MTOR: variants seen among roughly 807,000 people sequenced by gnomAD.
MTOR encodes serine/threonine-protein kinase mTOR.
In MTOR, 70 loss-of-function variants were observed where a neutral mutation model predicts 319.8. The observed-to-expected ratio is 0.22, with a 90% CI of 0.18 to 0.27. The LOEUF is 0.27. Among genes scored for constraint, MTOR ranks in the 10% least tolerant of loss-of-function variants. The probability of loss-of-function intolerance (pLI) is 1.00; values close to 1 mark genes in which losing one functional copy is unlikely to be tolerated. For synonymous variants in MTOR, 1,183 were observed against 1,211.4 expected (o/e 0.98, Z 0.49); for missense variants, 1,890 against 3,274.4 (o/e 0.58, Z 10.32).
chr1:11,146,705 G>A lies in MTOR; in HGVS notation c.4657C>T (p.His1553Tyr). Residue 1553 changes from histidine (H) to tyrosine (Y), a missense_variant, in exon 32 of 58, where the codon CAT becomes TAT. By Grantham distance (83) the His-to-Tyr change is moderately conservative. Around this residue, in one of 15 missense-constraint regions of MTOR, gnomAD observed 276 missense variants for 459.4 expected, o/e 0.60. Transcript: ENST00000361445. Reference protein sequence around the residue: ...GAFYRAVLALHQDLFSLAQQC... With the variant: ...GAFYRAVLALYQDLFSLAQQC... ...TGTGCCAAGGAGAAGAGGTCCTGAT[G>A]CAGTGCCAGCACAGCTCTATAAAAT... is the stretch of plus-strand genomic sequence containing the variant. 1 of 1,614,090 alleles carries A rather than the reference G, an allele frequency of 6.2e-7. No individual in the cohort carries two copies. The highest frequency in any genetic ancestry group is 8.5e-7 in the Non-Finnish European group (1 of 1,179,998).
At chr1:11,135,297 A>C (rs1379698153) in intron 36 of MTOR, among the ~76,000 whole-genome samples, 1 of 152,196 alleles carries the variant, frequency 6.6e-6, no homozygotes, top group Non-Finnish European at 1.5e-5. Flanking sequence ...ACCCACAAAT[A>C]GAAAAAAAAA....
At position 11,121,393 on chromosome 1, in the gene MTOR, T is replaced by C. The variant is rs1333805358; in HGVS notation, c.6811-25A>G. 6.2e-7 allele frequency: 1 copy of C among 1,613,378 alleles called. No homozygotes were observed. Among genetic ancestry groups the C allele is most frequent in the South Asian group, 1.1e-5 (1 of 91,038 alleles). ...TCTGCATCAGGACACAACTGTTCAG[T>C]AAGAGAGCAGCCTAAGACATGTAGT... On this transcript the variant is annotated intron_variant, in intron 48 of 57. Transcript: ENST00000361445. The surrounding 1 kb of genome is among the most constrained non-coding windows in gnomAD (Gnocchi z 4.9).
chr1:11,192,890 A>C (rs12141008), intron 28 of MTOR, among the ~76,000 whole-genome samples: 13,816 of 152,202 alleles, frequency 0.091, 1,023 homozygotes, highest in South Asian at 0.2. Context: ...CAGTCAAACA[A>C]CAAGCCTTCT....
At chr1:11,209,179 G>A in intron 25 of MTOR, 133 bp downstream of exon 25, 1 of 1,060,298 alleles carries the variant, frequency 9.4e-7, no homozygotes, top group Non-Finnish European at 1.4e-6. Context: ...AATGATCTAA[G>A]TTCATGGTAT....
At chr1:11,150,073 C>T in intron 31 of MTOR, 53 bp downstream of exon 31, 1 of 1,521,384 alleles carries the variant, frequency 6.6e-7, no homozygotes, top group South Asian at 1.1e-5. Flanking sequence ...TGATGCGAGC[C>T]CCTAGCCTCA....
chr1:11,138,674 G>T (rs1230215003), intron 36 of MTOR, among the ~76,000 whole-genome samples: 1 of 152,192 alleles, frequency 6.6e-6, no homozygotes. Context: ...GAAGGAGGAA[G>T]GGGAAGCCAA....
At chr1:11,193,751 A>G (rs996057185) in intron 28 of MTOR, 2 of 1,614,070 alleles carry the variant, frequency 1.2e-6, no homozygotes, top group African/African-American at 2.7e-5. Flanking sequence ...CAGACAGCCA[A>G]CCCGGCTGCG....
intron 30 of MTOR, among the ~76,000 whole-genome samples, chr1:11,151,016 G>A (rs908822032): frequency 5.3e-5 from 8 of 152,306 alleles, no homozygotes; most frequent in African/African-American, 1.2e-4. Context: ...TGAAAGACAT[G>A]CTGCAGGATG....
rs201521732 is a variant in MTOR, at chr1:11,232,489, A to T, written c.2461T>A (p.Phe821Ile). ...TGGAGCATGTCCATGATGATAATAAAAAGTTCATCAACCCATTTCCTCATT... is the reference window on the plus strand; with the variant it reads ...TGGAGCATGTCCATGATGATAATAATAAGTTCATCAACCCATTTCCTCATT... ...LEMRKWVDEL[F>I]IIIMDMLQDS... The change falls in exon 16 of 58, where the codon TTT becomes ATT. Residue 821 changes from phenylalanine to isoleucine, a missense_variant. Coordinates refer to ENST00000361445, the MANE Select transcript of MTOR (RefSeq NM_004958.4). 2.5e-6 allele frequency: 4 copies of T among 1,614,030 alleles called. No individual in the cohort carries two copies. Among genetic ancestry groups the T allele is most frequent in the Non-Finnish European group, 3.4e-6 (4 of 1,179,900 alleles).
chr1:11,121,321 C>T lies in MTOR; in HGVS notation c.6858G>A (p.Val2286=). The part of the protein sequence containing the change: ...DHLTLMQKVE[V]FEHAVNNTAG... ...CTGTATTATTGACGGCATGCTCAAA[C>T]ACCTCCACCTTCTGCATCAGAGTCA... Residue 2286 remains valine (V), a synonymous_variant, in exon 49 of 58, where the codon GTG becomes GTA. Transcript: ENST00000361445. The surrounding 1 kb of genome is among the most constrained non-coding windows in gnomAD (Gnocchi z 4.9). 6.2e-7 allele frequency: 1 copy of T among 1,614,190 alleles called. No individual in the cohort carries two copies. The highest frequency in any genetic ancestry group is 1.1e-5 in the South Asian group (1 of 91,080).
chr1:11,243,258 C>T lies in MTOR; in HGVS notation c.1268G>A (p.Cys423Tyr). ...LQDTMNHVLS[C>Y]VKKEKERTAA... ...TGTACGTTCCTTCTCCTTCTTGACA[C>T]AGCTTAGGACATGGTTCATGGTATC... The change falls in exon 9 of 58, where the codon TGT becomes TAT. Residue 423 changes from cysteine (C) to tyrosine (Y), a missense_variant. Cys to Tyr is a radical substitution (Grantham distance 194). Around this residue, in one of 15 missense-constraint regions of MTOR, gnomAD observed 418 missense variants for 543.1 expected, o/e 0.77. Transcript: ENST00000361445. 1.2e-6 allele frequency: 2 copies of T among 1,614,206 alleles called. No individual in the cohort carries two copies. The highest frequency in any genetic ancestry group is 1.3e-5 in the African/African-American group (1 of 75,038).
intron 47 of MTOR, 38 bp downstream of exon 47, chr1:11,124,460 A>C: frequency 3.1e-6 from 5 of 1,587,868 alleles, no homozygotes; most frequent in Non-Finnish European, 4.3e-6. Flanking sequence ...AAACCAGAAG[A>C]CTTCTCAAAT....
chr1:11,210,638 T>C (rs1646280057), intron 24 of MTOR, among the ~76,000 whole-genome samples, 176 bp downstream of exon 24: 1 of 152,186 alleles, frequency 6.6e-6, no homozygotes, highest in Admixed American at 6.5e-5. Context: ...TCTCAGGCTG[T>C]AGTGGCAGAG....
intron 47 of MTOR, among the ~76,000 whole-genome samples, chr1:11,122,897 AAG>A (rs1178077103): frequency 1.3e-5 from 2 of 152,220 alleles, no homozygotes; most frequent in Non-Finnish European, 2.9e-5. Flanking sequence ...GCATCACAGA[AAG>A]ACAGTGCACT....
intron 26 of MTOR, among the ~76,000 whole-genome samples, chr1:11,201,047 G>A (rs1031782078): frequency 2.0e-5 from 3 of 151,832 alleles, no homozygotes; most frequent in African/African-American, 4.8e-5. Flanking sequence ...GTAAGTTTTC[G>A]GAGCCAGGTA....
Position 11,212,568 on chromosome 1 carries a change from A to G in MTOR, c.3399-94T>C, listed in dbSNP as rs1189408731. The G allele has an allele frequency of 1.4e-6, 2 of 1,444,190 alleles. No individual in the cohort carries two copies. The highest frequency in any genetic ancestry group is 2.1e-5 in the Admixed American group (1 of 48,568). 89.5% of individuals were successfully genotyped at this position (1,444,190 alleles called of 1,614,324 possible). ...GAGCTTAACAATCAGCACCAAAGGG[A>G]TGGGAATGAACGGCTTCTAAGGTAT... On this transcript the variant is annotated intron_variant, in intron 22 of 57. Coordinates refer to ENST00000361445, the MANE Select transcript of MTOR (RefSeq NM_004958.4). The surrounding 1 kb of genome is among the most constrained non-coding windows in gnomAD (Gnocchi z 4.1).
Position 11,253,971 on chromosome 1 carries a change from G to A in MTOR, c.708C>T (p.His236=). The part of the protein sequence containing the change: ...KEMQKPQWYR[H]TFEEAEKGFD... ...ATCCCTTCTCTGCTTCTTCAAATGTGTGCTATGTAGAGAGACAGGGTGCCT... is the reference window on the plus strand; with the variant it reads ...ATCCCTTCTCTGCTTCTTCAAATGTATGCTATGTAGAGAGACAGGGTGCCT... The change falls in exon 6 of 58, where the codon CAC becomes CAT. Residue 236 remains histidine, a splice_region_variant and synonymous_variant. Coordinates refer to ENST00000361445, the MANE Select transcript of MTOR (RefSeq NM_004958.4). 6.2e-7 allele frequency: 1 copy of A among 1,614,040 alleles called. No individual in the cohort carries two copies. Among genetic ancestry groups the A allele is most frequent in the East Asian group, 2.2e-5 (1 of 44,882 alleles).
In MTOR at chr1:11,235,713, G is replaced by A. The variant is rs991469200; in HGVS notation, c.2209-1448C>T. ...AGAAGATTAGAGCCAGCCGGGCGAG[G>A]TGGCTCACACCTGTAATCCCAGCAC... On this transcript the variant is annotated intron_variant, in intron 13 of 57. Coordinates refer to ENST00000361445, the MANE Select transcript of MTOR (RefSeq NM_004958.4). 2.0e-5 allele frequency among the ~76,000 whole-genome samples: 3 copies of A among 152,310 alleles called. No homozygotes were observed. The East Asian group carries it at 5.8e-4, about 29-fold the overall frequency.
chr1:11,144,139 A>T lies in MTOR; in HGVS notation c.4872+509T>A, dbSNP rs113224204. Reference sequence around the variant, plus strand: ...AGTTGGCCAATGAGAACCTAAGGCAACCCCATCTGAAAAGCTGGTGCAGGT... The same window carrying T: ...AGTTGGCCAATGAGAACCTAAGGCATCCCCATCTGAAAAGCTGGTGCAGGT... On this transcript the variant is annotated intron_variant, in intron 34 of 57. Coordinates refer to ENST00000361445, the MANE Select transcript of MTOR (RefSeq NM_004958.4). Among the ~76,000 whole-genome samples, 408 of 152,282 alleles carry T rather than the reference A, an allele frequency of 2.7e-3. 5 individuals are homozygous for T. Among genetic ancestry groups the T allele is most frequent in the African/African-American group, 9.0e-3 (373 of 41,548 alleles).
Sources: allele counts gnomAD v4.1 joint callset (sites outside exome capture counted in the v4.1 genomes callset), GRCh38; gene constraint gnomAD v4.1.1; regional missense constraint gnomAD v4.1.1; non-coding constraint Gnocchi (gnomAD v3.1); transcripts MANE v1.5; gene names NCBI Gene and HGNC (gene_info 2026-07-23, HGNC 2026-07-21).